Variants in PCDH15 observed in about 807,000 individuals in gnomAD.
PCDH15 encodes the protein protocadherin-15.
PCDH15 carries 129 observed loss-of-function variants against 178.5 expected under a neutral mutation model. That is an observed-to-expected ratio of 0.72 (90% CI 0.63 to 0.84). The LOEUF (loss-of-function observed/expected upper bound fraction) is 0.84, where lower values mean the gene tolerates loss of function less well. PCDH15 is among the 40% of genes least tolerant of loss of function. The pLI is 0.00. For synonymous variants in PCDH15, 800 were observed against 732.0 expected (o/e 1.09, Z -1.50); for missense variants, 2,230 against 2,099.9 (o/e 1.06, Z -1.21).
chr10:55,493,638 G>C (rs908986197), intron 2 of PCDH15, among the ~76,000 whole-genome samples: 3 of 151,690 alleles, frequency 2.0e-5, no homozygotes, highest in Non-Finnish European at 4.4e-5. Flanking sequence ...AGAAATATGT[G>C]ATCAAAAACT....
At chr10:55,594,436 A>G (rs1442067682) in intron 2 of PCDH15, among the ~76,000 whole-genome samples, 1 of 152,022 alleles carries the variant, frequency 6.6e-6, no homozygotes, top group Non-Finnish European at 1.5e-5. Flanking sequence ...TCAACTAAGA[A>G]AAAAGTAAAA....
intron 9 of PCDH15, among the ~76,000 whole-genome samples, chr10:54,217,176 A>C (rs2052178828): frequency 6.6e-6 from 1 of 152,164 alleles, no homozygotes; most frequent in Admixed American, 6.5e-5. Context: ...TTTACATTTT[A>C]GAGCTACATA....
intron 18 of PCDH15, among the ~76,000 whole-genome samples, chr10:54,056,541 A>C (rs2093892240): frequency 6.6e-6 from 1 of 152,158 alleles, no homozygotes; most frequent in Admixed American, 6.5e-5. Context: ...CACTACCATG[A>C]GAACAGTGTG....
At chr10:54,520,384 C>T (rs541342661) in intron 3 of PCDH15, among the ~76,000 whole-genome samples, 47 of 152,118 alleles carry the variant, frequency 3.1e-4, no homozygotes, top group African/African-American at 1.1e-3. Context: ...ACAAACAACC[C>T]CATCAAAAAG....
intron 2 of PCDH15, among the ~76,000 whole-genome samples, chr10:55,143,104 C>T (rs1838398645): frequency 6.6e-6 from 1 of 152,096 alleles, no homozygotes; most frequent in African/African-American, 2.4e-5. Flanking sequence ...CTCTCTCCTG[C>T]CACCATGTAA....
chr10:55,076,695 G>A (rs888803677), intron 2 of PCDH15, among the ~76,000 whole-genome samples: 1 of 150,688 alleles, frequency 6.6e-6, no homozygotes, highest in Non-Finnish European at 1.5e-5. Flanking sequence ...ATGAACTCAG[G>A]CAATCCACTC....
At chr10:53,835,345 C>A (rs188015016) in intron 29 of PCDH15, among the ~76,000 whole-genome samples, 1 of 151,810 alleles carries the variant, frequency 6.6e-6, no homozygotes, top group East Asian at 1.9e-4. Context: ...GATAAACAAG[C>A]TAAAATGTAT....
intron 1 of PCDH15, among the ~76,000 whole-genome samples, chr10:55,250,659 C>A (rs1841812717): frequency 6.6e-6 from 1 of 151,028 alleles, no homozygotes; most frequent in African/African-American, 2.4e-5. Flanking sequence ...GCCTCACCCT[C>A]CCGAGTAGCT....
intron 25 of PCDH15, among the ~76,000 whole-genome samples, chr10:53,919,502 T>A (rs988519466): frequency 1.3e-5 from 2 of 152,206 alleles, no homozygotes; most frequent in African/African-American, 4.8e-5. Context: ...TTATTTCAAT[T>A]TACTCCTGTA....
At chr10:54,204,563 T>G (rs559692989) in intron 10 of PCDH15, among the ~76,000 whole-genome samples, 2 of 151,906 alleles carry the variant, frequency 1.3e-5, no homozygotes, top group African/African-American at 2.4e-5. Flanking sequence ...TACACTTTCC[T>G]GTATGTCAGC....
At chr10:54,879,062 G>A (rs1954209206) in intron 3 of PCDH15, among the ~76,000 whole-genome samples, 1 of 152,078 alleles carries the variant, frequency 6.6e-6, no homozygotes, top group Non-Finnish European at 1.5e-5. Flanking sequence ...ATTAAAAAAT[G>A]TTAACATTTG....
intron 20 of PCDH15, among the ~76,000 whole-genome samples, chr10:54,019,050 T>G (rs77000857): frequency 0.02 from 3,065 of 152,212 alleles, 101 homozygotes; most frequent in African/African-American, 0.068. Context: ...CTTATAGATC[T>G]TCTGTCTTTT....
chr10:54,705,271 A>G (rs1199522822), intron 1 of PCDH15, among the ~76,000 whole-genome samples: 1 of 152,092 alleles, frequency 6.6e-6, no homozygotes, highest in East Asian at 1.9e-4. Flanking sequence ...CACCTAATTT[A>G]CTTATATAAC....
chr10:53,806,544 G>A lies in PCDH15; in HGVS notation c.*35C>T, dbSNP rs755539504. The A allele has an allele frequency of 6.8e-7, 1 of 1,470,620 alleles. No homozygotes were observed. The highest frequency in any genetic ancestry group is 1.4e-5 in the African/African-American group (1 of 70,166). The allele number at this position is 1,470,620 out of a possible 1,614,324, so 91.1% of individuals were successfully genotyped here. A position where few individuals can be genotyped will look rare whatever the true frequency, so the allele number is the denominator to read the frequency against. On this transcript the variant is annotated 3_prime_UTR_variant, in exon 38 of 38. Transcript: ENST00000644397. Reference sequence around the variant, plus strand: ...AAAGCACAGTTTATTAAAAATGTAAGTAAAAATTAATTAAAATATCTTTTA... The same window carrying A: ...AAAGCACAGTTTATTAAAAATGTAAATAAAAATTAATTAAAATATCTTTTA...
chr10:54,051,640 G>A (rs1353628209), intron 18 of PCDH15, among the ~76,000 whole-genome samples: 1 of 152,180 alleles, frequency 6.6e-6, no homozygotes, highest in Non-Finnish European at 1.5e-5. Context: ...AAAATTTGCA[G>A]CCTGATGATG....
At chr10:53,827,739 T>A (rs1466296245) in intron 31 of PCDH15, among the ~76,000 whole-genome samples, 191 bp from the exon 32 acceptor site, 1 of 152,170 alleles carries the variant, frequency 6.6e-6, no homozygotes, top group Non-Finnish European at 1.5e-5. Context: ...TAATCCCTGC[T>A]TTGTTCTTGA....
chr10:54,511,031 C>T (rs990584284), intron 3 of PCDH15, among the ~76,000 whole-genome samples: 12 of 152,038 alleles, frequency 7.9e-5, no homozygotes, highest in Admixed American at 3.9e-4. Flanking sequence ...AGTATAGATG[C>T]GTCACCTTGG....
intron 3 of PCDH15, among the ~76,000 whole-genome samples, chr10:54,811,869 A>C (rs774221520): frequency 6.6e-6 from 1 of 152,238 alleles, no homozygotes; most frequent in African/African-American, 2.4e-5. Context: ...AACAACATGA[A>C]TGCAATCAGT....
chr10:55,262,220 GAAGA>G (rs1306954695), intron 1 of PCDH15, among the ~76,000 whole-genome samples: 38 of 146,804 alleles, frequency 2.6e-4, no homozygotes, highest in African/African-American at 7.9e-4. Context: ...AAAACAAAAG[GAAGA>G]AAGAAAGAAA....
Sources: gnomAD v4.1 joint callset for allele counts (sites outside exome capture counted in the v4.1 genomes callset) on GRCh38, gnomAD v4.1.1 for gene constraint, MANE v1.5 for transcripts, NCBI Gene and HGNC (gene_info 2026-07-23, HGNC 2026-07-21) for gene names.